ZBTB20: variants seen among roughly 807,000 people sequenced by gnomAD.
ZBTB20 encodes zinc finger and BTB domain-containing protein 20.
Under a neutral mutation model 56.9 loss-of-function variants are expected in ZBTB20, and 9 were observed. The ratio of observed to expected loss-of-function variants is 0.16; its 90% CI spans 0.10 to 0.28. The LOEUF is 0.28. ZBTB20 is among the 10% of genes least tolerant of loss of function. ZBTB20 has a pLI of 1.00. For missense variants in ZBTB20, 655 were observed against 1,003.0 expected, an observed-to-expected ratio of 0.65 and a Z score of 4.69; for synonymous variants, 417 against 420.7, an observed-to-expected ratio of 0.99 and a Z score of 0.11.
chr3:114,363,509 A>G (rs1249903240), intron 10 of ZBTB20, among the ~76,000 whole-genome samples: 2 of 152,244 alleles, frequency 1.3e-5, no homozygotes, highest in East Asian at 3.8e-4. Flanking sequence ...CTGGGTCAGT[A>G]TACTGATTAT....
Position 114,590,020 on chromosome 3 carries a change from T to C in ZBTB20, c.-294-89629A>G, listed in dbSNP as rs190794134. On this transcript the variant is annotated intron_variant, in intron 6 of 11. Transcript: ENST00000675478. ...CCATAGGAAGGAAATGGTCTGAGTA[T>C]ATTGGTAATGGGTTTGCTTTTAATA... is the stretch of plus-strand genomic sequence containing the variant. Among the ~76,000 whole-genome samples, 551 of 152,308 alleles carry C rather than the reference T, an allele frequency of 3.6e-3. 6 individuals are homozygous for C. The highest frequency in any genetic ancestry group is 0.012 in the African/African-American group (516 of 41,566).
intron 11 of ZBTB20, among the ~76,000 whole-genome samples, chr3:114,340,640 T>C (rs2108095336): frequency 6.6e-6 from 1 of 152,350 alleles, no homozygotes; most frequent in East Asian, 1.9e-4. Context: ...CTGTTTGTTC[T>C]CAGCTCTGCT....
intron 6 of ZBTB20, among the ~76,000 whole-genome samples, chr3:114,551,738 G>T (rs1003597986): frequency 6.6e-6 from 1 of 152,196 alleles, no homozygotes; most frequent in Non-Finnish European, 1.5e-5. Context: ...TCAATATGAA[G>T]TATTTTCCTT....
chr3:114,538,725 C>T (rs950491048), intron 6 of ZBTB20, among the ~76,000 whole-genome samples: 1 of 152,142 alleles, frequency 6.6e-6, no homozygotes, highest in African/African-American at 2.4e-5. Flanking sequence ...ATTCTGTCAT[C>T]TTATTCAAAC....
chr3:114,975,180 A>AT (rs2078045550), intron 2 of ZBTB20, among the ~76,000 whole-genome samples: 1 of 152,128 alleles, frequency 6.6e-6, no homozygotes, highest in African/African-American at 2.4e-5. Context: ...CAATTTGGTG[A>AT]TTTTGACTAT....
chr3:114,611,030 C>T (rs896376467), intron 6 of ZBTB20, among the ~76,000 whole-genome samples: 11 of 152,140 alleles, frequency 7.2e-5, no homozygotes, highest in Admixed American at 6.5e-5. Context: ...AGGCATACAA[C>T]GAAAGCAAGT....
chr3:115,092,647 C>T (rs995418185), intron 1 of ZBTB20, among the ~76,000 whole-genome samples: 5 of 152,028 alleles, frequency 3.3e-5, no homozygotes, highest in African/African-American at 1.2e-4. Flanking sequence ...GGACACGGAT[C>T]GCCTCTCCAT....
chr3:114,522,347 G>A (rs1185821923), intron 6 of ZBTB20, among the ~76,000 whole-genome samples: 2 of 152,108 alleles, frequency 1.3e-5, no homozygotes, highest in East Asian at 3.9e-4. Flanking sequence ...TGAAGGTTGA[G>A]GGGAGTGAGC....
chr3:114,583,965 T>C (rs890758866), intron 6 of ZBTB20, among the ~76,000 whole-genome samples: 1 of 152,208 alleles, frequency 6.6e-6, no homozygotes, highest in Non-Finnish European at 1.5e-5. Context: ...TGATTAAACA[T>C]CTTTGGGTCT....
chr3:114,890,191 A>T (rs953889606), intron 4 of ZBTB20, among the ~76,000 whole-genome samples: 1 of 152,248 alleles, frequency 6.6e-6, no homozygotes, highest in Non-Finnish European at 1.5e-5. Flanking sequence ...CAGTTAAAAT[A>T]GAAATTCCTC....
intron 3 of ZBTB20, among the ~76,000 whole-genome samples, chr3:114,913,572 A>C (rs1253105672): frequency 6.6e-6 from 1 of 151,910 alleles, no homozygotes; most frequent in Non-Finnish European, 1.5e-5. Flanking sequence ...TGCTGTGCAG[A>C]AGCTTTTTAG....
intron 4 of ZBTB20, among the ~76,000 whole-genome samples, chr3:114,888,018 C>G (rs544577134): frequency 6.6e-6 from 1 of 151,580 alleles, no homozygotes; most frequent in African/African-American, 2.4e-5. Flanking sequence ...CAGATGCCCT[C>G]CAAAAGTGAT....
intron 1 of ZBTB20, among the ~76,000 whole-genome samples, chr3:115,131,395 C>T (rs749651533): frequency 6.6e-6 from 1 of 152,164 alleles, no homozygotes; most frequent in Non-Finnish European, 1.5e-5. Flanking sequence ...GCTCTTCTCA[C>T]TCATAAGAAA....
At chr3:114,847,837 T>G (rs952122594) in intron 4 of ZBTB20, among the ~76,000 whole-genome samples, 1 of 152,216 alleles carries the variant, frequency 6.6e-6, no homozygotes, top group Non-Finnish European at 1.5e-5. Context: ...GGGCCTTCAG[T>G]AAGCACTTGT....
chr3:114,916,866 G>A (rs558459591), intron 3 of ZBTB20, among the ~76,000 whole-genome samples: 1 of 152,254 alleles, frequency 6.6e-6, no homozygotes, highest in South Asian at 2.1e-4. Flanking sequence ...CTTTGAGATA[G>A]TCTTCTTTAG....
intron 2 of ZBTB20, among the ~76,000 whole-genome samples, chr3:115,011,794 G>T (rs1478102067): frequency 1.3e-5 from 2 of 151,740 alleles, no homozygotes; most frequent in Non-Finnish European, 2.9e-5. Flanking sequence ...TGTATAAACT[G>T]CTATCTCTTA....
chr3:114,355,864 C>T (rs1486318447), intron 10 of ZBTB20, among the ~76,000 whole-genome samples: 1 of 149,756 alleles, frequency 6.7e-6, no homozygotes, highest in African/African-American at 2.4e-5. Flanking sequence ...ACACCCAAAC[C>T]CCAACCCTAT....
At chr3:114,793,210 A>G (rs1161719189) in intron 5 of ZBTB20, among the ~76,000 whole-genome samples, 1 of 152,062 alleles carries the variant, frequency 6.6e-6, no homozygotes, top group Non-Finnish European at 1.5e-5. Context: ...AGCAGCAATA[A>G]GGCTGAGTAC....
At chr3:114,484,827 ATG>A (rs1389982611) in intron 7 of ZBTB20, among the ~76,000 whole-genome samples, 1 of 103,408 alleles carries the variant, frequency 9.7e-6, no homozygotes, top group Non-Finnish European at 2.3e-5. Flanking sequence ...GTGCGCGTGC[ATG>A]TGTGTGTGTG....
Sources: allele counts gnomAD v4.1 joint callset (sites outside exome capture counted in the v4.1 genomes callset), GRCh38; gene constraint gnomAD v4.1.1; transcripts MANE v1.5; gene names NCBI Gene and HGNC (gene_info 2026-07-23, HGNC 2026-07-21).